LHFPL6: variants seen among roughly 807,000 people sequenced by gnomAD.
LHFPL6 encodes the protein LHFPL tetraspan subfamily member 6.
LHFPL6 carries 9 observed loss-of-function variants against 20.6 expected under a neutral mutation model. The ratio of observed to expected loss-of-function variants is 0.44; its 90% CI spans 0.26 to 0.76. The LOEUF is 0.76. Ranked by LOEUF, LHFPL6 falls within the 30% of genes least tolerant of loss-of-function variation. The pLI is 0.20. For synonymous variants in LHFPL6, 105 were observed against 98.7 expected, an observed-to-expected ratio of 1.06 and a Z score of -0.38; for missense variants, 218 against 253.5, an observed-to-expected ratio of 0.86 and a Z score of 0.95.
At chr13:39,466,077 T>A (rs1872799157) in intron 2 of LHFPL6, among the ~76,000 whole-genome samples, 1 of 151,980 alleles carries the variant, frequency 6.6e-6, no homozygotes, top group South Asian at 2.1e-4. Flanking sequence ...TGGAGTAGAG[T>A]GGGTTCCTCT....
intron 2 of LHFPL6, among the ~76,000 whole-genome samples, chr13:39,411,548 C>G (rs1871241054): frequency 6.6e-6 from 1 of 152,148 alleles, no homozygotes; most frequent in Admixed American, 6.5e-5. Context: ...AAGTCCTGCC[C>G]TTATAATAGT....
At chr13:39,348,443 G>C (rs1266626659) in intron 3 of LHFPL6, among the ~76,000 whole-genome samples, 1 of 152,154 alleles carries the variant, frequency 6.6e-6, no homozygotes, top group Non-Finnish European at 1.5e-5. Flanking sequence ...GTGGAACAAA[G>C]TCTGCAGTGT....
intron 2 of LHFPL6, among the ~76,000 whole-genome samples, chr13:39,435,258 T>C (rs1871926632): frequency 6.6e-6 from 1 of 152,046 alleles, no homozygotes. Context: ...AAACAACAGA[T>C]GACAAAGTAT....
intron 2 of LHFPL6, among the ~76,000 whole-genome samples, chr13:39,560,972 A>C (rs1871460527): frequency 3.3e-5 from 5 of 151,796 alleles, no homozygotes; most frequent in Admixed American, 3.3e-4. Flanking sequence ...CACCATCCAG[A>C]CCCTGGTGAG....
chr13:39,473,207 C>T (rs900055744), intron 2 of LHFPL6, among the ~76,000 whole-genome samples: 1 of 149,544 alleles, frequency 6.7e-6, no homozygotes, highest in Non-Finnish European at 1.5e-5. Context: ...TGGCCAGGTC[C>T]TCTCTATCTA....
chr13:39,355,149 G>A (rs1200097073), intron 3 of LHFPL6, among the ~76,000 whole-genome samples: 1 of 150,796 alleles, frequency 6.6e-6, no homozygotes, highest in African/African-American at 2.4e-5. Flanking sequence ...ACATAAAAGG[G>A]TCAGGTCACT....
chr13:39,448,472 T>C (rs1414381837), intron 2 of LHFPL6, among the ~76,000 whole-genome samples: 1 of 152,214 alleles, frequency 6.6e-6, no homozygotes, highest in African/African-American at 2.4e-5. Flanking sequence ...GGCTAAATTA[T>C]ATAATTATGA....
chr13:39,344,357 T>C (rs1226910052), intron 3 of LHFPL6, among the ~76,000 whole-genome samples: 4 of 152,080 alleles, frequency 2.6e-5, no homozygotes, highest in African/African-American at 9.7e-5. Flanking sequence ...GGATAGGAGA[T>C]GAAGGAGTTA....
chr13:39,472,274 A>G (rs1872967112), intron 2 of LHFPL6, among the ~76,000 whole-genome samples: 1 of 152,186 alleles, frequency 6.6e-6, no homozygotes, highest in Non-Finnish European at 1.5e-5. Flanking sequence ...ATTCCTTTCC[A>G]TCCAATCCGA....
At chr13:39,441,481 A>G (rs1872132261) in intron 2 of LHFPL6, among the ~76,000 whole-genome samples, 1 of 150,864 alleles carries the variant, frequency 6.6e-6, no homozygotes, top group African/African-American at 2.4e-5. Flanking sequence ...TTTGTCATCA[A>G]TTAAATTCAG....
At chr13:39,353,522 C>A (rs892335501) in intron 3 of LHFPL6, among the ~76,000 whole-genome samples, 10 of 151,488 alleles carry the variant, frequency 6.6e-5, no homozygotes, top group Non-Finnish European at 8.8e-5. Flanking sequence ...GTCAGGAGAT[C>A]GAGACCATCC....
chr13:39,596,015 C>G (rs1872760786), intron 2 of LHFPL6, among the ~76,000 whole-genome samples: 1 of 152,112 alleles, frequency 6.6e-6, no homozygotes, highest in Non-Finnish European at 1.5e-5. Flanking sequence ...CCACTGCATG[C>G]AAACTTCAGA....
intron 2 of LHFPL6, among the ~76,000 whole-genome samples, chr13:39,381,826 C>CG (rs1193224438): frequency 1.4e-5 from 2 of 140,486 alleles, no homozygotes; most frequent in African/African-American, 2.7e-5. Context: ...AATTTATAGA[C>CG]AAAAAAAAAA....
intron 2 of LHFPL6, among the ~76,000 whole-genome samples, chr13:39,586,192 T>C (rs1872442684): frequency 6.6e-6 from 1 of 151,944 alleles, no homozygotes; most frequent in Non-Finnish European, 1.5e-5. Flanking sequence ...TATATACACA[T>C]ACACAGCATT....
chr13:39,473,670 C>T (rs535099417), intron 2 of LHFPL6, among the ~76,000 whole-genome samples: 139 of 152,286 alleles, frequency 9.1e-4, no homozygotes, highest in Non-Finnish European at 1.7e-3. Context: ...CTACAGAAGT[C>T]CTACCTGAGT....
intron 2 of LHFPL6, among the ~76,000 whole-genome samples, chr13:39,429,912 T>C (rs1159259831): frequency 1.3e-5 from 2 of 152,224 alleles, no homozygotes; most frequent in African/African-American, 4.8e-5. Context: ...TAAAGCATAT[T>C]TCTTTCCCTG....
At chr13:39,382,853 T>C (rs2138363817) in intron 2 of LHFPL6, among the ~76,000 whole-genome samples, 2 of 152,346 alleles carry the variant, frequency 1.3e-5, no homozygotes, top group Middle Eastern at 6.8e-3. Context: ...TTTATATTAA[T>C]ATTTATGTAG....
chr13:39,383,200 A>C (rs1480817660), intron 2 of LHFPL6, among the ~76,000 whole-genome samples: 2 of 152,190 alleles, frequency 1.3e-5, no homozygotes, highest in Admixed American at 6.5e-5. Flanking sequence ...CAACTCCATC[A>C]TATAGTCATT....
At chr13:39,523,045 A>C (rs1870161948) in intron 2 of LHFPL6, among the ~76,000 whole-genome samples, 2 of 152,214 alleles carry the variant, frequency 1.3e-5, no homozygotes, top group African/African-American at 4.8e-5. Context: ...TAGGAAAAAA[A>C]GAACCATTTG....
Sources: allele counts gnomAD v4.1 joint callset (sites outside exome capture counted in the v4.1 genomes callset), GRCh38; gene constraint gnomAD v4.1.1; transcripts MANE v1.5; gene names NCBI Gene and HGNC (gene_info 2026-07-23, HGNC 2026-07-21).